The following NDUFAF6 variants were observed in gnomAD, a reference collection of about 807,000 sequenced individuals.
The protein encoded by NDUFAF6 is NADH:ubiquinone oxidoreductase complex assembly factor 6.
Under a neutral mutation model 40.8 loss-of-function variants are expected in NDUFAF6, and 45 were observed. The ratio of observed to expected loss-of-function variants is 1.10; its 90% CI spans 0.87 to 1.42. NDUFAF6 has a LOEUF of 1.42. Ranked by LOEUF, NDUFAF6 falls within the 40% of genes most tolerant of loss-of-function variation. The pLI, the probability that NDUFAF6 is intolerant of heterozygous loss-of-function variation, is 0.00. For synonymous variants in NDUFAF6, 185 were observed against 155.9 expected, an observed-to-expected ratio of 1.19 and a Z score of -1.39; for missense variants, 435 against 418.5, an observed-to-expected ratio of 1.04 and a Z score of -0.34.
At chr8:95,086,552 CA>C (rs1199667787) in intron 2 of NDUFAF6, among the ~76,000 whole-genome samples, 1 of 151,976 alleles carries the variant, frequency 6.6e-6, no homozygotes, top group Non-Finnish European at 1.5e-5. Flanking sequence ...GCAAACCTGA[CA>C]AAAGGCACCT....
chr8:94,896,483 C>G (rs1314690254), intron 1 of NDUFAF6: 2 of 152,244 alleles, frequency 1.3e-5, no homozygotes, highest in Non-Finnish European at 2.9e-5. Context: ...GTCAGACTTG[C>G]GGCGGGTATT....
chr8:95,110,689 G>A (rs1489141173), intron 4 of NDUFAF6, among the ~76,000 whole-genome samples: 1 of 152,178 alleles, frequency 6.6e-6, no homozygotes, highest in African/African-American at 2.4e-5. Context: ...AAATTTTTAT[G>A]TTCTTCTGCC....
chr8:94,907,852 A>C, intron 1 of NDUFAF6, among the ~76,000 whole-genome samples: 1 of 152,214 alleles, frequency 6.6e-6, no homozygotes, highest in Non-Finnish European at 1.5e-5. Flanking sequence ...GGTCCTGAGA[A>C]CATATGCCTG....
chr8:95,024,831 A>G (rs1330123948), upstream of NDUFAF6, among the ~76,000 whole-genome samples: 1 of 152,228 alleles, frequency 6.6e-6, no homozygotes, highest in Non-Finnish European at 1.5e-5. Context: ...CGAAGGCCAA[A>G]GAGTCGCGGC....
downstream of NDUFAF6, among the ~76,000 whole-genome samples, chr8:95,079,525 T>C (rs1176123282): frequency 1.3e-5 from 2 of 152,130 alleles, no homozygotes; most frequent in South Asian, 2.1e-4. Flanking sequence ...ATTCAAAGGT[T>C]TGTGGAATCA....
intron 2 of NDUFAF6, among the ~76,000 whole-genome samples, chr8:94,992,180 C>G (rs1826224087): frequency 1.3e-5 from 2 of 151,954 alleles, no homozygotes; most frequent in South Asian, 4.2e-4. Context: ...GAGAGAATTT[C>G]AACTGTCCTT....
At chr8:94,960,097 A>G (rs905238939) in intron 1 of NDUFAF6, among the ~76,000 whole-genome samples, 9 of 152,176 alleles carry the variant, frequency 5.9e-5, no homozygotes, top group African/African-American at 2.2e-4. Context: ...ATACAAACAA[A>G]GTCTCTTAGC....
At chr8:94,934,895 G>C (rs1229476316) in intron 1 of NDUFAF6, among the ~76,000 whole-genome samples, 1 of 152,120 alleles carries the variant, frequency 6.6e-6, no homozygotes, top group South Asian at 2.1e-4. Context: ...CCCCACCCAT[G>C]ACCTTACCTA....
intron 2 of NDUFAF6, among the ~76,000 whole-genome samples, chr8:94,946,124 C>T (rs929083213): frequency 2.0e-4 from 30 of 151,046 alleles, no homozygotes; most frequent in African/African-American, 7.3e-4. Flanking sequence ...TTTTCTTCTA[C>T]ACATAAGGCT....
At chr8:94,962,948 G>A (rs546915793) in intron 1 of NDUFAF6, among the ~76,000 whole-genome samples, 3 of 151,814 alleles carry the variant, frequency 2.0e-5, no homozygotes, top group South Asian at 2.1e-4. Flanking sequence ...CCACCATCAC[G>A]CCCATCTAAT....
intron 9 of NDUFAF6, among the ~76,000 whole-genome samples, chr8:95,073,704 G>A (rs543113773): frequency 6.6e-6 from 1 of 152,190 alleles, no homozygotes; most frequent in East Asian, 1.9e-4. Context: ...CCAGCTTACA[G>A]GACATGTCGA....
At chr8:95,111,603 A>G (rs116065423) in intron 4 of NDUFAF6, among the ~76,000 whole-genome samples, 1 of 152,062 alleles carries the variant, frequency 6.6e-6, no homozygotes, top group African/African-American at 2.4e-5. Context: ...GTGTTGTGGA[A>G]ATGTGCCTGC....
intron 3 of NDUFAF6, among the ~76,000 whole-genome samples, chr8:95,038,036 A>C (rs1030861614): frequency 6.6e-6 from 1 of 152,090 alleles, no homozygotes; most frequent in Non-Finnish European, 1.5e-5. Context: ...GGCATGCGCC[A>C]CCACACCTGG....
At chr8:95,032,667 A>G (rs1828995355) in intron 2 of NDUFAF6, among the ~76,000 whole-genome samples, 1 of 152,178 alleles carries the variant, frequency 6.6e-6, no homozygotes, top group Non-Finnish European at 1.5e-5. Context: ...TGAAAACTGG[A>G]ACAGCCTTAG....
intron 2 of NDUFAF6, among the ~76,000 whole-genome samples, chr8:95,017,983 T>C (rs1827535103): frequency 6.6e-6 from 1 of 152,234 alleles, no homozygotes. Flanking sequence ...GAGAATAAGA[T>C]AATGTATATT....
intron 2 of NDUFAF6, among the ~76,000 whole-genome samples, chr8:94,993,240 A>G (rs755196385): frequency 3.9e-5 from 6 of 152,210 alleles, no homozygotes; most frequent in Non-Finnish European, 7.3e-5. Flanking sequence ...TAACAAGCTC[A>G]GTTTTAACCT....
intron 1 of NDUFAF6, chr8:94,932,063 T>C: frequency 6.2e-7 from 1 of 1,609,084 alleles, no homozygotes; most frequent in Non-Finnish European, 8.5e-7. Context: ...AAAGTGAATA[T>C]ACTTACTCTG....
In NDUFAF6 at chr8:95,035,705, C is replaced by G. The variant is rs6651272; in HGVS notation, c.420+129C>G. ...GAAAATATTCTTAGGCTTATGTATT[C>G]AGAGCTGTTATAGTTTTGGCACAGA... On this transcript the variant is annotated intron_variant, in intron 3 of 8. Coordinates refer to ENST00000396124, the MANE Select transcript of NDUFAF6 (RefSeq NM_152416.4). The G allele has an allele frequency of 0.13, 119,961 of 898,918 alleles. 8,581 individuals are homozygous for G. Among genetic ancestry groups the G allele is most frequent in the Middle Eastern group, 0.19 (569 of 2,984 alleles). 55.7% of individuals were successfully genotyped at this position (898,918 alleles called of 1,614,324 possible).
At chr8:95,058,758 G>A (rs1334086892), downstream of NDUFAF6, 2 of 988,494 alleles carry the variant, frequency 2.0e-6, no homozygotes, top group East Asian at 1.1e-4. Flanking sequence ...GATGAGCACT[G>A]TGCTGTATAC....
Sources: gnomAD v4.1 joint callset for allele counts (sites outside exome capture counted in the v4.1 genomes callset) on GRCh38, gnomAD v4.1.1 for gene constraint, MANE v1.5 for transcripts, NCBI Gene and HGNC (gene_info 2026-07-23, HGNC 2026-07-21) for gene names.